DPP10: variants seen among roughly 807,000 people sequenced by gnomAD.
DPP10 encodes dipeptidyl peptidase like 10, also known as inactive dipeptidyl peptidase 10.
In DPP10, 33 loss-of-function variants were observed where a neutral mutation model predicts 120.9. That is an observed-to-expected ratio of 0.27 (90% confidence interval 0.21 to 0.37). DPP10 has a LOEUF of 0.37. Among genes scored for constraint, DPP10 ranks in the 10% least tolerant of loss-of-function variants. DPP10 has a pLI of 1.00. For missense variants in DPP10, 816 were observed against 942.8 expected (o/e 0.87, Z 1.76); for synonymous variants, 337 against 326.1 (o/e 1.03, Z -0.36).
At chr2:115,144,350 C>A (rs534280385) in intron 1 of DPP10, 2 of 152,162 alleles carry the variant, frequency 1.3e-5, no homozygotes, top group Non-Finnish European at 1.5e-5. Context: ...TGCAGAGACA[C>A]TGTTCCTTCC....
intron 3 of DPP10, among the ~76,000 whole-genome samples, chr2:115,406,956 C>A (rs1164211523): frequency 6.6e-6 from 1 of 152,088 alleles, no homozygotes; most frequent in African/African-American, 2.4e-5. Flanking sequence ...TGTCACACGA[C>A]CAGAAAATAT....
In DPP10 at chr2:114,735,784, A is replaced by AC. The variant is rs145217396; in HGVS notation, c.60+292946_60+292947insC. The stretch of plus-strand genomic sequence containing the variant: ...GCTCATAAGCTGCAGTTTGTTAATT[A>AC]TTTTTTTCTAAATAAAGAAAAAATA... On this transcript the variant is annotated intron_variant, in intron 1 of 25. Coordinates refer to ENST00000410059, the MANE Select transcript of DPP10 (RefSeq NM_020868.6). Among the ~76,000 whole-genome samples the AC allele has an allele frequency of 3.6e-3, 546 of 152,032 alleles. 4 individuals carry two copies. The highest frequency in any genetic ancestry group is 0.013 in the African/African-American group (526 of 41,508).
chr2:114,929,767 A>T (rs1413293310), intron 1 of DPP10, among the ~76,000 whole-genome samples: 2 of 152,226 alleles, frequency 1.3e-5, no homozygotes, highest in African/African-American at 4.8e-5. Flanking sequence ...AGATGATGGG[A>T]TTAAGAGATT....
At chr2:114,999,046 C>A (rs1045278319) in intron 1 of DPP10, among the ~76,000 whole-genome samples, 1 of 152,162 alleles carries the variant, frequency 6.6e-6, no homozygotes, top group Admixed American at 6.5e-5. Context: ...ATACCCAATG[C>A]TTGAAGCACT....
chr2:115,667,909 C>A lies in DPP10; in HGVS notation c.442-21778C>A, dbSNP rs184603736. Reference sequence around the variant, plus strand: ...TATGTCCCAACTTGTCCACTAGATTCTTTAACATAGTAATCATCTATATAT... The same window carrying A: ...TATGTCCCAACTTGTCCACTAGATTATTTAACATAGTAATCATCTATATAT... On this transcript the variant is annotated intron_variant, in intron 5 of 25. Transcript: ENST00000410059. 3.7e-4 allele frequency among the ~76,000 whole-genome samples: 56 copies of A among 151,980 alleles called. No homozygotes were observed. The East Asian group carries it at 9.1e-3, about 25-fold the overall frequency.
intron 3 of DPP10, among the ~76,000 whole-genome samples, chr2:115,346,500 C>G (rs2063718644): frequency 2.0e-5 from 3 of 152,240 alleles, no homozygotes; most frequent in Admixed American, 1.3e-4. Flanking sequence ...AAAAATATGT[C>G]TGAGAATATC....
In DPP10 at chr2:114,462,219, A is replaced by G. The variant is rs950828465; in HGVS notation, c.60+19381A>G. The G allele has an allele frequency of 1.1e-5, 10 of 889,984 alleles. No individual in the cohort carries two copies. The African/African-American group carries it at 1.8e-4, about 16-fold the overall frequency. 55.1% of individuals were successfully genotyped at this position (889,984 alleles called of 1,614,324 possible). On this transcript the variant is annotated intron_variant, in intron 1 of 25. Coordinates refer to ENST00000410059, the MANE Select transcript of DPP10 (RefSeq NM_020868.6). ...TACCGACAAGTTGCGAAGATTTTAC[A>G]GAGCCGTATATACCACCCTATTGCT...
rs192174386 is a variant in DPP10 at position 114,570,693 on chromosome 2, C to T, written c.60+127855C>T. Reference sequence around the variant, plus strand: ...ATACAAAAAAAAAAAATTAGCCGGGCGTGGTGGCGGGCGCCTGTAGTCCCA... The same window carrying T: ...ATACAAAAAAAAAAAATTAGCCGGGTGTGGTGGCGGGCGCCTGTAGTCCCA... On this transcript the variant is annotated intron_variant, in intron 1 of 25. Transcript: ENST00000410059. Among the ~76,000 whole-genome samples, 505 of 150,972 alleles carry T rather than the reference C, an allele frequency of 3.3e-3. 5 individuals carry two copies. Among genetic ancestry groups the T allele is most frequent in the African/African-American group, 0.012 (490 of 41,254 alleles).
At chr2:115,472,430 GTTATT>G (rs1164020606) in intron 3 of DPP10, among the ~76,000 whole-genome samples, 1 of 152,086 alleles carries the variant, frequency 6.6e-6, no homozygotes, top group African/African-American at 2.4e-5. Flanking sequence ...TCATTGTACT[GTTATT>G]TTATTCTCAA....
At chr2:114,990,454 T>C (rs1190748192) in intron 1 of DPP10, among the ~76,000 whole-genome samples, 2 of 152,208 alleles carry the variant, frequency 1.3e-5, no homozygotes, top group Non-Finnish European at 2.9e-5. Flanking sequence ...TTTATTTTAC[T>C]GCCTTCATTA....
At chr2:115,725,306 T>C (rs1288567007) in intron 7 of DPP10, among the ~76,000 whole-genome samples, 2 of 152,180 alleles carry the variant, frequency 1.3e-5, no homozygotes, top group Non-Finnish European at 2.9e-5. Flanking sequence ...TTTTCAATTA[T>C]TTTTGAAACA....
intron 1 of DPP10, among the ~76,000 whole-genome samples, chr2:115,009,709 G>A (rs1165787037): frequency 6.6e-6 from 1 of 151,916 alleles, no homozygotes; most frequent in African/African-American, 2.4e-5. Context: ...AAACCACCAA[G>A]GTGTGTGTAT....
intron 3 of DPP10, among the ~76,000 whole-genome samples, chr2:115,364,381 CA>C (rs1311711208): frequency 6.6e-6 from 1 of 152,042 alleles, no homozygotes; most frequent in Non-Finnish European, 1.5e-5. Flanking sequence ...TACCTCACCA[CA>C]CTATCACTTT....
At chr2:115,062,733 T>C (rs966300230) in intron 1 of DPP10, among the ~76,000 whole-genome samples, 4 of 152,244 alleles carry the variant, frequency 2.6e-5, no homozygotes, top group African/African-American at 7.2e-5. Context: ...TTCCTTTTTA[T>C]GGCTGCATAG....
chr2:115,255,092 C>A (rs1444540375), intron 1 of DPP10, among the ~76,000 whole-genome samples: 1 of 152,334 alleles, frequency 6.6e-6, no homozygotes, highest in African/African-American at 2.4e-5. Flanking sequence ...AGAGGTTCTC[C>A]ATGAAGGCTC....
intron 12 of DPP10, among the ~76,000 whole-genome samples, chr2:115,763,285 G>A (rs1267097642): frequency 2.0e-5 from 3 of 151,972 alleles, no homozygotes; most frequent in East Asian, 1.9e-4. Context: ...CGTCTATGGC[G>A]TTAATGACCA....
chr2:115,223,140 A>ACT (rs2057260129), intron 1 of DPP10, among the ~76,000 whole-genome samples: 1 of 152,102 alleles, frequency 6.6e-6, no homozygotes, highest in East Asian at 1.9e-4. Flanking sequence ...TGGACTCAGA[A>ACT]TAGACCAATG....
chr2:115,354,401 G>C (rs948593607), intron 3 of DPP10, among the ~76,000 whole-genome samples: 3 of 151,942 alleles, frequency 2.0e-5, no homozygotes, highest in Admixed American at 6.6e-5. Flanking sequence ...CCAATGTTTA[G>C]TTCCCACTTT....
chr2:115,464,578 A>G (rs900863330), intron 3 of DPP10, among the ~76,000 whole-genome samples: 11 of 152,098 alleles, frequency 7.2e-5, no homozygotes, highest in African/African-American at 2.7e-4. Flanking sequence ...TGTATGTTGA[A>G]ACTGTTTACA....
Sources: gnomAD v4.1 joint callset for allele counts (sites outside exome capture counted in the v4.1 genomes callset) on GRCh38, gnomAD v4.1.1 for gene constraint, MANE v1.5 for transcripts, NCBI Gene and HGNC (gene_info 2026-07-23, HGNC 2026-07-21) for gene names.